PBX3: variants seen among roughly 807,000 people sequenced by gnomAD.
PBX3 encodes the protein pre-B-cell leukemia transcription factor 3.
Under a neutral mutation model 48.5 loss-of-function variants are expected in PBX3, and 14 were observed. The ratio of observed to expected loss-of-function variants is 0.29; its 90% CI spans 0.19 to 0.45. The LOEUF is 0.45. Ranked by LOEUF, PBX3 falls within the 20% of genes least tolerant of loss-of-function variation. PBX3 has a pLI of 1.00. For synonymous variants in PBX3, 210 were observed against 200.3 expected, an observed-to-expected ratio of 1.05 and a Z score of -0.41; for missense variants, 386 against 546.7, an observed-to-expected ratio of 0.71 and a Z score of 2.93.
chr9:125,758,203 C>G (rs911364692), intron 2 of PBX3, among the ~76,000 whole-genome samples: 1 of 152,028 alleles, frequency 6.6e-6, no homozygotes, highest in South Asian at 2.1e-4. Flanking sequence ...TTTGATTTGC[C>G]TAAATTTATG....
At chr9:125,845,321 T>A (rs1180594872) in intron 2 of PBX3, among the ~76,000 whole-genome samples, 1 of 152,074 alleles carries the variant, frequency 6.6e-6, no homozygotes, top group Non-Finnish European at 1.5e-5. Context: ...AGTTTTCTTT[T>A]TAGGATGCAT....
chr9:125,794,672 A>G (rs1321436353), intron 2 of PBX3, among the ~76,000 whole-genome samples: 4 of 150,736 alleles, frequency 2.7e-5, no homozygotes, highest in African/African-American at 4.9e-5. Context: ...TGTTTGGTCT[A>G]TGAAGGGAAA....
At position 125,886,039 on chromosome 9, in the gene PBX3, T is replaced by A. The variant is rs541539143; in HGVS notation, c.275-29647T>A. Among the ~76,000 whole-genome samples, 10 of 152,228 alleles carry A rather than the reference T, an allele frequency of 6.6e-5. No individual in the cohort carries two copies. In the South Asian group the frequency reaches 2.1e-3, roughly 32 times the overall value. ...TAATGTTAATAGTGACTGCTAGGTATCCCTGGGGCCCTGAGTCTTTGCAAC... is the reference window on the plus strand; with the variant it reads ...TAATGTTAATAGTGACTGCTAGGTAACCCTGGGGCCCTGAGTCTTTGCAAC... On this transcript the variant is annotated intron_variant, in intron 2 of 8. Transcript: ENST00000373489.
intron 5 of PBX3, among the ~76,000 whole-genome samples, chr9:125,945,876 C>T (rs758924592): frequency 2.6e-5 from 4 of 151,992 alleles, no homozygotes; most frequent in Non-Finnish European, 4.4e-5. Context: ...TAGTTGAGGC[C>T]CTGGGAATGG....
Position 125,843,841 on chromosome 9 carries a change from C to G in PBX3, c.275-71845C>G, listed in dbSNP as rs573877774. 500 of 455,684 alleles carry G rather than the reference C, an allele frequency of 1.1e-3. 5 individuals are homozygous for G. Among genetic ancestry groups the G allele is most frequent in the South Asian group, 7.6e-3 (490 of 64,512 alleles). The allele number at this position is 455,684 out of a possible 1,614,324, so 28.2% of individuals were successfully genotyped here. ...CAGAATTACAAGCGAAAGTGCAGGC[C>G]TGCTGAGGCAATTACAGCTTAATGG... is the stretch of plus-strand genomic sequence containing the variant. On this transcript the variant is annotated intron_variant, in intron 2 of 8. Coordinates refer to ENST00000373489, the MANE Select transcript of PBX3 (RefSeq NM_006195.6).
chr9:125,950,774 G>A (rs1410566200), intron 5 of PBX3, among the ~76,000 whole-genome samples: 5 of 152,124 alleles, frequency 3.3e-5, no homozygotes, highest in East Asian at 3.9e-4. Context: ...GAGCCACTGC[G>A]CCTGGCCAAA....
At chr9:125,773,345 G>C (rs1040064978) in intron 2 of PBX3, among the ~76,000 whole-genome samples, 1 of 152,146 alleles carries the variant, frequency 6.6e-6, no homozygotes, top group African/African-American at 2.4e-5. Flanking sequence ...TCCTAGCCTG[G>C]ATGTCCTTTC....
chr9:125,837,092 T>C (rs1378717502), intron 2 of PBX3, among the ~76,000 whole-genome samples: 1 of 152,154 alleles, frequency 6.6e-6, no homozygotes, highest in Non-Finnish European at 1.5e-5. Flanking sequence ...CTTGTAGTAT[T>C]GATTAGAATA....
intron 2 of PBX3, among the ~76,000 whole-genome samples, chr9:125,897,552 A>G (rs1840803594): frequency 6.6e-6 from 1 of 151,898 alleles, no homozygotes; most frequent in Non-Finnish European, 1.5e-5. Context: ...CATTCTCAAC[A>G]AATTAGTTAG....
intron 3 of PBX3, among the ~76,000 whole-genome samples, chr9:125,923,868 T>C (rs1430075894): frequency 5.3e-5 from 8 of 151,368 alleles, no homozygotes; most frequent in Non-Finnish European, 1.2e-4. Context: ...ACCCAGCCTA[T>C]TTTGTTTTAT....
intron 2 of PBX3, among the ~76,000 whole-genome samples, chr9:125,780,948 C>T (rs553148488): frequency 3.4e-4 from 40 of 116,050 alleles, no homozygotes; most frequent in Admixed American, 8.7e-4. Flanking sequence ...CGCTCCTCAC[C>T]TCCCAGACGG....
At chr9:125,782,405 A>C (rs1280718131) in intron 2 of PBX3, among the ~76,000 whole-genome samples, 2 of 152,096 alleles carry the variant, frequency 1.3e-5, no homozygotes, top group African/African-American at 4.8e-5. Context: ...CAGCCAAACC[A>C]TATCATCTGG....
At chr9:125,790,453 C>A (rs990877248) in intron 2 of PBX3, among the ~76,000 whole-genome samples, 2 of 151,964 alleles carry the variant, frequency 1.3e-5, no homozygotes, top group African/African-American at 4.8e-5. Flanking sequence ...GGGGTTTCGC[C>A]ATGTTGTCCA....
intron 2 of PBX3, chr9:125,748,897 AGC>A: frequency 3.1e-6 from 1 of 325,112 alleles, no homozygotes; most frequent in South Asian, 5.9e-5. Context: ...GGGGGCCCGG[AGC>A]GCCAGCCGCC....
chr9:125,853,271 T>C (rs902774415), intron 2 of PBX3, among the ~76,000 whole-genome samples: 1 of 152,222 alleles, frequency 6.6e-6, no homozygotes, highest in African/African-American at 2.4e-5. Flanking sequence ...CCTCAAAATA[T>C]AGCCATGATT....
At chr9:125,932,865 G>A (rs1275634640) in intron 4 of PBX3, among the ~76,000 whole-genome samples, 1 of 152,188 alleles carries the variant, frequency 6.6e-6, no homozygotes, top group Non-Finnish European at 1.5e-5. Context: ...GCCAGAATGA[G>A]AGAGTGGCAG....
intron 2 of PBX3, among the ~76,000 whole-genome samples, chr9:125,829,178 A>G (rs910199887): frequency 6.6e-6 from 1 of 152,212 alleles, no homozygotes; most frequent in African/African-American, 2.4e-5. Flanking sequence ...TTGTAATAAC[A>G]TATTTTCACT....
chr9:125,949,341 C>G, intron 5 of PBX3: 1 of 1,550,126 alleles, frequency 6.5e-7, no homozygotes, highest in Non-Finnish European at 8.7e-7. Flanking sequence ...TGCCAGTTGT[C>G]ATCCATTCAA....
At chr9:125,816,981 G>A (rs1264822421) in intron 2 of PBX3, among the ~76,000 whole-genome samples, 1 of 152,118 alleles carries the variant, frequency 6.6e-6, no homozygotes, top group East Asian at 1.9e-4. Flanking sequence ...TTTTTCTGCA[G>A]TTAATGTATC....
Sources: allele counts gnomAD v4.1 joint callset (sites outside exome capture counted in the v4.1 genomes callset), GRCh38; gene constraint gnomAD v4.1.1; transcripts MANE v1.5; gene names NCBI Gene and HGNC (gene_info 2026-07-23, HGNC 2026-07-21).